CARMIL1: variants seen among roughly 807,000 people sequenced by gnomAD.
The protein encoded by CARMIL1 is F-actin-uncapping protein LRRC16A.
In CARMIL1, 90 loss-of-function variants were observed where a neutral mutation model predicts 177.1. That is an observed-to-expected ratio of 0.51 (90% CI 0.43 to 0.61). The LOEUF is 0.61. Among genes scored for constraint, CARMIL1 ranks in the 20% least tolerant of loss-of-function variants. The pLI, the probability that CARMIL1 is intolerant of heterozygous loss-of-function variation, is 0.00. For missense variants in CARMIL1, 1,380 were observed against 1,667.0 expected, an observed-to-expected ratio of 0.83 and a Z score of 3.00; for synonymous variants, 577 against 606.2, an observed-to-expected ratio of 0.95 and a Z score of 0.71.
intron 8 of CARMIL1, among the ~76,000 whole-genome samples, chr6:25,455,199 A>G (rs1318330015): frequency 6.6e-6 from 1 of 152,184 alleles, no homozygotes; most frequent in Admixed American, 6.5e-5. Flanking sequence ...ATGCATTTGT[A>G]TGTCGAGATC....
intron 2 of CARMIL1, among the ~76,000 whole-genome samples, chr6:25,292,649 G>T (rs867533452): frequency 4.6e-5 from 7 of 152,148 alleles, no homozygotes; most frequent in African/African-American, 1.7e-4. Flanking sequence ...GTTAGGATAG[G>T]CGAGTCAAAT....
intron 9 of CARMIL1, among the ~76,000 whole-genome samples, chr6:25,466,167 A>G (rs781205341): frequency 3.3e-5 from 5 of 152,194 alleles, no homozygotes; most frequent in Non-Finnish European, 2.9e-5. Flanking sequence ...TGTTTCGGGC[A>G]ATTTAAGAAG....
Position 25,279,537 on chromosome 6 carries a change from C to A in CARMIL1, c.-259C>A. Reference sequence around the variant, plus strand: ...GCGCCCGCTTGTAATCCGGTCCGCTCCTTATTCAGCCGCCGGGAACTGCGA... The same window carrying A: ...GCGCCCGCTTGTAATCCGGTCCGCTACTTATTCAGCCGCCGGGAACTGCGA... On this transcript the variant is annotated 5_prime_UTR_variant, in exon 1 of 37. Coordinates refer to ENST00000329474, the MANE Select transcript of CARMIL1 (RefSeq NM_017640.6). 1 of 562,268 alleles carries A rather than the reference C, an allele frequency of 1.8e-6. No homozygotes were observed. The highest frequency in any genetic ancestry group is 3.0e-5 in the Admixed American group (1 of 32,976). 34.8% of individuals were successfully genotyped at this position (562,268 alleles called of 1,614,324 possible). A position where few individuals can be genotyped will look rare whatever the true frequency, so the allele number is the denominator to read the frequency against.
chr6:25,390,184 T>G (rs1792603491), intron 2 of CARMIL1, among the ~76,000 whole-genome samples: 1 of 151,704 alleles, frequency 6.6e-6, no homozygotes. Flanking sequence ...TTAGTAAATT[T>G]GTTGCCAAGT....
chr6:25,563,154 G>A, intron 29 of CARMIL1: 2 of 846,060 alleles, frequency 2.4e-6, no homozygotes, highest in Non-Finnish European at 2.8e-6. Flanking sequence ...AGAGCCAATA[G>A]TAAGTGAAAT....
intron 17 of CARMIL1, among the ~76,000 whole-genome samples, chr6:25,506,524 A>G (rs957054764): frequency 1.9e-4 from 29 of 150,924 alleles, no homozygotes; most frequent in African/African-American, 6.8e-4. Context: ...CCAGCCTGGG[A>G]GACAGTGACT....
At chr6:25,525,645 G>A (rs1807021239) in intron 23 of CARMIL1, among the ~76,000 whole-genome samples, 1 of 152,158 alleles carries the variant, frequency 6.6e-6, no homozygotes, top group Non-Finnish European at 1.5e-5. Context: ...TAACCACAAT[G>A]TACTGGGTGA....
chr6:25,292,816 G>T (rs184980410), intron 2 of CARMIL1, among the ~76,000 whole-genome samples: 2 of 152,114 alleles, frequency 1.3e-5, no homozygotes, highest in Admixed American at 6.5e-5. Context: ...TAAGTGATGG[G>T]GGGGAGTAGG....
At chr6:25,505,618 A>G (rs1328109729) in intron 17 of CARMIL1, among the ~76,000 whole-genome samples, 2 of 152,042 alleles carry the variant, frequency 1.3e-5, no homozygotes, top group Non-Finnish European at 2.9e-5. Context: ...GTGTCTGGCT[A>G]ATTTTTATAT....
At chr6:25,419,209 A>G (rs1483548435) in intron 2 of CARMIL1, among the ~76,000 whole-genome samples, 1 of 152,232 alleles carries the variant, frequency 6.6e-6, no homozygotes, top group Non-Finnish European at 1.5e-5. Flanking sequence ...TTGAACTAGC[A>G]CATAAGCATA....
At chr6:25,386,070 T>A (rs1283553297) in intron 2 of CARMIL1, among the ~76,000 whole-genome samples, 1 of 152,232 alleles carries the variant, frequency 6.6e-6, no homozygotes, top group Non-Finnish European at 1.5e-5. Flanking sequence ...ATTTGCCTCA[T>A]GCACAATGAA....
chr6:25,450,776 C>G, intron 8 of CARMIL1, 65 bp downstream of exon 8: 1 of 380,678 alleles, frequency 2.6e-6, no homozygotes, highest in Non-Finnish European at 4.6e-6. Context: ...TCCTCCCTCC[C>G]CTCCCTCCCT....
chr6:25,599,885 A>G (rs919374813), intron 32 of CARMIL1, among the ~76,000 whole-genome samples: 3 of 152,108 alleles, frequency 2.0e-5, no homozygotes, highest in Admixed American at 1.3e-4. Context: ...GGGTTAGGTT[A>G]TGGATTAACT....
At chr6:25,487,400 A>G (rs554616270) in intron 12 of CARMIL1, among the ~76,000 whole-genome samples, 8 of 152,196 alleles carry the variant, frequency 5.3e-5, no homozygotes, top group Non-Finnish European at 1.0e-4. Context: ...CTGGTTCTTT[A>G]GAGTAGTTGA....
chr6:25,586,977 G>C (rs528909852), intron 31 of CARMIL1, among the ~76,000 whole-genome samples: 48 of 146,330 alleles, frequency 3.3e-4, no homozygotes, highest in Admixed American at 1.2e-3. Context: ...ACCGTGGAGA[G>C]AGAGGGAGAG....
intron 12 of CARMIL1, among the ~76,000 whole-genome samples, chr6:25,488,001 T>C (rs1196747790): frequency 6.6e-6 from 1 of 152,238 alleles, no homozygotes; most frequent in Non-Finnish European, 1.5e-5. Flanking sequence ...TTAATCCAAA[T>C]GTTTCCTTGA....
intron 8 of CARMIL1, among the ~76,000 whole-genome samples, chr6:25,460,533 C>T (rs577437118): frequency 7.2e-5 from 11 of 152,138 alleles, no homozygotes; most frequent in Non-Finnish European, 1.6e-4. Context: ...CTACACTAGA[C>T]CTTGCTTCTT....
At chr6:25,476,112 G>A (rs1393082218) in intron 11 of CARMIL1, among the ~76,000 whole-genome samples, 4 of 152,186 alleles carry the variant, frequency 2.6e-5, no homozygotes, top group Non-Finnish European at 5.9e-5. Flanking sequence ...TAATGCTCTT[G>A]TATAGTTTTT....
intron 2 of CARMIL1, 119 bp from the exon 3 acceptor site, chr6:25,419,995 A>G (rs79503600): frequency 0.011 from 8,197 of 754,052 alleles, 190 homozygotes; most frequent in African/African-American, 0.07. Context: ...CTTACATGAC[A>G]GGAGCCAAGC....
Sources: allele counts gnomAD v4.1 joint callset (sites outside exome capture counted in the v4.1 genomes callset), GRCh38; gene constraint gnomAD v4.1.1; transcripts MANE v1.5; gene names NCBI Gene and HGNC (gene_info 2026-07-23, HGNC 2026-07-21).